Variants in TGFB2 observed in about 807,000 individuals in gnomAD.
The protein encoded by TGFB2 is transforming growth factor beta 2.
TGFB2 carries 13 observed loss-of-function variants against 42.7 expected under a neutral mutation model. The ratio of observed to expected loss-of-function variants is 0.30; its 90% CI spans 0.20 to 0.48. The LOEUF (loss-of-function observed/expected upper bound fraction) is 0.48, where lower values mean the gene tolerates loss of function less well. Ranked by LOEUF, TGFB2 falls within the 20% of genes least tolerant of loss-of-function variation. The probability of loss-of-function intolerance (pLI) is 0.99; values close to 1 mark genes in which losing one functional copy is unlikely to be tolerated. For missense variants in TGFB2, 390 were observed against 517.5 expected (o/e 0.75, Z 2.39); for synonymous variants, 193 against 193.6 (o/e 1.00, Z 0.03).
At chr1:218,349,397 A>G (rs1656797625) in intron 1 of TGFB2, among the ~76,000 whole-genome samples, 1 of 152,268 alleles carries the variant, frequency 6.6e-6, no homozygotes, top group Non-Finnish European at 1.5e-5. Flanking sequence ...AAAGTACAGC[A>G]TTGGCTTATA....
intron 1 of TGFB2, chr1:218,363,191 G>A: frequency 1.5e-6 from 1 of 663,854 alleles, no homozygotes; most frequent in Non-Finnish European, 2.6e-6. Context: ...TAATCCCCTG[G>A]CCCCAGGTAG....
rs145103815 is a variant in TGFB2, at chr1:218,430,264, G to A, written c.511-3818G>A. Among the ~76,000 whole-genome samples, 491 of 151,984 alleles carry A rather than the reference G, an allele frequency of 3.2e-3. 4 individuals carry two copies. Among genetic ancestry groups the A allele is most frequent in the African/African-American group, 0.011 (462 of 41,466 alleles). ...AAAAAATTAGCCGGGCATGGGTGGC[G>A]CACACCTGTAGTCCCAGCTACTCCG... On this transcript the variant is annotated intron_variant, in intron 2 of 6. Transcript: ENST00000366930.
chr1:218,364,938 A>G (rs1428325442), intron 1 of TGFB2, among the ~76,000 whole-genome samples: 1 of 152,214 alleles, frequency 6.6e-6, no homozygotes, highest in East Asian at 1.9e-4. Context: ...GGAGTTAAAC[A>G]TCTGATTTTT....
At chr1:218,390,166 C>T (rs1272336555) in intron 1 of TGFB2, among the ~76,000 whole-genome samples, 1 of 152,066 alleles carries the variant, frequency 6.6e-6, no homozygotes, top group Non-Finnish European at 1.5e-5. Context: ...TTGGAACTAA[C>T]TAAAAGCATT....
intron 1 of TGFB2, among the ~76,000 whole-genome samples, chr1:218,401,192 A>G (rs1658706835): frequency 1.3e-5 from 2 of 152,196 alleles, no homozygotes; most frequent in South Asian, 4.1e-4. Context: ...ACTTACATAC[A>G]ATACGTTGGT....
intron 1 of TGFB2, among the ~76,000 whole-genome samples, chr1:218,388,487 C>T (rs1197608328): frequency 6.6e-6 from 1 of 152,216 alleles, no homozygotes; most frequent in Non-Finnish European, 1.5e-5. Context: ...GGCCCCCTCG[C>T]CCACCATGAA....
At chr1:218,376,765 T>C (rs1310275169) in intron 1 of TGFB2, among the ~76,000 whole-genome samples, 2 of 152,212 alleles carry the variant, frequency 1.3e-5, no homozygotes, top group Non-Finnish European at 2.9e-5. Flanking sequence ...CTCAAGTAGC[T>C]TATAGCCTAT....
chr1:218,380,751 T>G (rs1427071205), intron 1 of TGFB2, among the ~76,000 whole-genome samples: 1 of 151,898 alleles, frequency 6.6e-6, no homozygotes. Context: ...GGGAGCTCAG[T>G]GTTGAGAGGA....
intron 2 of TGFB2, among the ~76,000 whole-genome samples, chr1:218,430,524 C>G (rs1332460876): frequency 6.6e-6 from 1 of 152,152 alleles, no homozygotes; most frequent in Admixed American, 6.5e-5. Flanking sequence ...GAAAGACAGA[C>G]AGCAAAGGCT....
chr1:218,442,421 T>A lies in TGFB2; in HGVS notation c.*1059T>A, dbSNP rs571597357. 1 of 152,310 alleles carries A rather than the reference T, an allele frequency of 6.6e-6. No individual in the cohort carries two copies. The highest frequency in any genetic ancestry group is 2.4e-5 in the African/African-American group (1 of 41,600). The allele number at this position is 152,310 out of a possible 1,614,324, so 9.4% of individuals were successfully genotyped here. A position where few individuals can be genotyped will look rare whatever the true frequency, so the allele number is the denominator to read the frequency against. The stretch of plus-strand genomic sequence containing the variant: ...AACATTAACTACTTTATGTGTAATG[T>A]GTAAATTTTTACCATATTTTTTATA... On this transcript the variant is annotated 3_prime_UTR_variant, in exon 7 of 7. Transcript: ENST00000366930.
intron 2 of TGFB2, among the ~76,000 whole-genome samples, chr1:218,422,373 A>G (rs943262145): frequency 3.3e-5 from 5 of 152,104 alleles, no homozygotes; most frequent in African/African-American, 9.6e-5. Flanking sequence ...GTGCACCACC[A>G]TGTCCAGCTA....
intron 1 of TGFB2, among the ~76,000 whole-genome samples, chr1:218,404,089 G>A (rs1186498885): frequency 1.4e-5 from 2 of 143,842 alleles, no homozygotes; most frequent in Non-Finnish European, 3.0e-5. Flanking sequence ...CAACTCTAAA[G>A]CAACCCAGGA....
At chr1:218,381,848 T>C (rs541651059) in intron 1 of TGFB2, among the ~76,000 whole-genome samples, 14 of 152,212 alleles carry the variant, frequency 9.2e-5, no homozygotes, top group East Asian at 5.8e-4. Flanking sequence ...TGTGTGTGTG[T>C]GCACACGCGC....
chr1:218,381,118 A>C (rs927190746), intron 1 of TGFB2, among the ~76,000 whole-genome samples: 6 of 152,232 alleles, frequency 3.9e-5, no homozygotes, highest in Admixed American at 1.3e-4. Context: ...AGGCACTTAC[A>C]GTATCTTCTG....
intron 2 of TGFB2, among the ~76,000 whole-genome samples, chr1:218,431,212 T>G (rs1244203555): frequency 6.6e-6 from 1 of 152,196 alleles, no homozygotes; most frequent in Non-Finnish European, 1.5e-5. Context: ...TTCACCCAAG[T>G]GAGAGGATGA....
chr1:218,416,325 C>T (rs1314535845), intron 2 of TGFB2, among the ~76,000 whole-genome samples: 1 of 151,802 alleles, frequency 6.6e-6, no homozygotes, highest in African/African-American at 2.4e-5. Flanking sequence ...GTTCAGTATG[C>T]CAACTATCCT....
intron 1 of TGFB2, among the ~76,000 whole-genome samples, chr1:218,352,924 C>T (rs932011657): frequency 2.0e-5 from 3 of 152,202 alleles, no homozygotes; most frequent in African/African-American, 7.2e-5. Flanking sequence ...AAGAAAGTAA[C>T]ACTGGCCTTC....
At chr1:218,403,746 A>G (rs1012967767) in intron 1 of TGFB2, among the ~76,000 whole-genome samples, 1 of 152,234 alleles carries the variant, frequency 6.6e-6, no homozygotes, top group Non-Finnish European at 1.5e-5. Flanking sequence ...ATAATGCAGA[A>G]GTAATAAAAA....
intron 1 of TGFB2, among the ~76,000 whole-genome samples, chr1:218,358,695 C>T (rs891848002): frequency 6.6e-6 from 1 of 151,902 alleles, no homozygotes; most frequent in African/African-American, 2.4e-5. Flanking sequence ...ACTACAGGCA[C>T]CCCCCACCAT....
Sources: gnomAD v4.1 joint callset for allele counts (sites outside exome capture counted in the v4.1 genomes callset) on GRCh38, gnomAD v4.1.1 for gene constraint, MANE v1.5 for transcripts, NCBI Gene and HGNC (gene_info 2026-07-23, HGNC 2026-07-21) for gene names.